MED8: variants seen among roughly 807,000 people sequenced by gnomAD.
The protein encoded by MED8 is mediator complex subunit 8, also known as mediator of RNA polymerase II transcription subunit 8.
In MED8, 22 loss-of-function variants were observed where a neutral mutation model predicts 34.8. The ratio of observed to expected loss-of-function variants is 0.63; its 90% CI spans 0.45 to 0.90. The LOEUF (loss-of-function observed/expected upper bound fraction) is 0.90, where lower values mean the gene tolerates loss of function less well. MED8 is among the 40% of genes least tolerant of loss of function. The probability of loss-of-function intolerance (pLI) is 0.00; values close to 1 mark genes in which losing one functional copy is unlikely to be tolerated. For synonymous variants in MED8, 105 were observed against 120.2 expected (o/e 0.87, Z 0.83); for missense variants, 260 against 326.3 (o/e 0.80, Z 1.57).
At chr1:43,388,535 G>A in intron 1 of MED8, 107 bp from the exon 2 acceptor site, 2 of 1,509,304 alleles carry the variant, frequency 1.3e-6, no homozygotes, top group Admixed American at 2.1e-5. Flanking sequence ...AGGTAACACA[G>A]GATCTCATTG....
Position 43,387,255 on chromosome 1 carries a change from A to T in MED8, c.270+248T>A, listed in dbSNP as rs577097386. Among the ~76,000 whole-genome samples, 33 of 152,368 alleles carry T rather than the reference A, an allele frequency of 2.2e-4. 2 individuals are homozygous for T. In the Middle Eastern group the frequency reaches 0.02, roughly 94 times the overall value. On this transcript the variant is annotated intron_variant, in intron 3 of 6. Transcript: ENST00000372457. The stretch of plus-strand genomic sequence containing the variant: ...CCACGCTTCAAAGACTGGAATAGAC[A>T]AAGTCACAAAAGGGCAAACTTTGTG...
chr1:43,386,335 C>T lies in MED8; in HGVS notation c.494-109G>A. ...GGGTTTGGAGTTCTGAATTCAGCAA[C>T]ATCTAGACTCCCTCACAGCCCAGAA... On this transcript the variant is annotated intron_variant, in intron 5 of 6. Transcript: ENST00000372457. The surrounding 1 kb of genome is among the most constrained non-coding windows in gnomAD (Gnocchi z 4.9). 1.5e-6 allele frequency: 2 copies of T among 1,357,574 alleles called. No individual in the cohort carries two copies. The highest frequency in any genetic ancestry group is 2.9e-5 in the South Asian group (2 of 69,606). The allele number at this position is 1,357,574 out of a possible 1,614,324, so 84.1% of individuals were successfully genotyped here.
Position 43,387,742 on chromosome 1 carries a change from ATTC to A in MED8, c.126-98_126-96del, listed in dbSNP as rs1647784017. 11 of 1,410,076 alleles carry A rather than the reference ATTC, an allele frequency of 7.8e-6. No homozygotes were observed. The East Asian group carries it at 2.5e-4, about 32-fold the overall frequency. 87.3% of individuals were successfully genotyped at this position (1,410,076 alleles called of 1,614,324 possible). ...GTTCCTTCAGGCTAGGAACACTTGGATTCACCTCCAAAAGTCTCATAGCCCTAT... is the reference window on the plus strand; with the variant it reads ...GTTCCTTCAGGCTAGGAACACTTGGAACCTCCAAAAGTCTCATAGCCCTAT... On this transcript the variant is annotated intron_variant, in intron 2 of 6. Transcript: ENST00000372457.
Position 43,387,657 on chromosome 1 carries a change from G to GT in MED8, c.126-11dup. ...GTCCAGGACAGATGGCCTGGTGGTG[G>GT]TAACAAGGTGTAAGAATGTTGTACC... On this transcript the variant is annotated splice_polypyrimidine_tract_variant and intron_variant, in intron 2 of 6. Transcript: ENST00000372457. The GT allele has an allele frequency of 1.2e-6, 2 of 1,613,728 alleles. No individual in the cohort carries two copies. The highest frequency in any genetic ancestry group is 4.5e-5 in the East Asian group (2 of 44,864).
In MED8 at chr1:43,386,728, T is replaced by G. The variant is rs1647747079; in HGVS notation, c.412-58A>C. The G allele has an allele frequency of 1.3e-6, 2 of 1,590,020 alleles. No homozygotes were observed. The highest frequency in any genetic ancestry group is 1.3e-5 in the African/African-American group (1 of 74,566). ...TAACTAGGAAACGATATGGAGAAAT[T>G]TATTCCTTGGGTTCTGCCAGAAGCA... On this transcript the variant is annotated intron_variant, in intron 4 of 6. Transcript: ENST00000372457. The surrounding 1 kb of genome is among the most constrained non-coding windows in gnomAD (Gnocchi z 4.9).
chr1:43,386,831 G>T lies in MED8; in HGVS notation c.411+27C>A. On this transcript the variant is annotated intron_variant, in intron 4 of 6. Coordinates refer to ENST00000372457, the MANE Select transcript of MED8 (RefSeq NM_201542.5). This position sits in a 1 kb window ranked among gnomAD's most constrained non-coding sequence, Gnocchi z 4.9. ...GCTTCTCATGATGGGATGGGGATGG[G>T]GCAGCAAGGCAGTGACTCAGTCCAA... The T allele has an allele frequency of 6.2e-7, 1 of 1,613,144 alleles. No homozygotes were observed. The highest frequency in any genetic ancestry group is 8.5e-7 in the Non-Finnish European group (1 of 1,179,412).
In MED8 at chr1:43,388,378, C is replaced by G; in HGVS notation, c.57G>C (p.Val19=). The change falls in exon 2 of 7, where the codon GTG becomes GTC. Residue 19 remains valine (V), a synonymous_variant. Coordinates refer to ENST00000372457, the MANE Select transcript of MED8 (RefSeq NM_201542.5). ...TCCCCAGAGAGTTCTTCAGATCAGCCACTTGACTCAGCAGTGCATCTAATG... is the reference window on the plus strand; with the variant it reads ...TCCCCAGAGAGTTCTTCAGATCAGCGACTTGACTCAGCAGTGCATCTAATG... The part of the protein sequence containing the change: ...EASLDALLSQ[V]ADLKNSLGSF... 1 of 1,613,722 alleles carries G rather than the reference C, an allele frequency of 6.2e-7. No individual in the cohort carries two copies. Among genetic ancestry groups the G allele is most frequent in the Non-Finnish European group, 8.5e-7 (1 of 1,179,884 alleles).
chr1:43,386,566 T>C lies in MED8; in HGVS notation c.493+23A>G, dbSNP rs778886295. 6.2e-7 allele frequency: 1 copy of C among 1,603,230 alleles called. No individual in the cohort carries two copies. The highest frequency in any genetic ancestry group is 8.5e-7 in the Non-Finnish European group (1 of 1,174,054). ...GATCTTATATACCTCTCCTTCTCTGTTTAGCCACCAGTCCCATCATACCTC... is the reference window on the plus strand; with the variant it reads ...GATCTTATATACCTCTCCTTCTCTGCTTAGCCACCAGTCCCATCATACCTC... On this transcript the variant is annotated intron_variant, in intron 5 of 6. Coordinates refer to ENST00000372457, the MANE Select transcript of MED8 (RefSeq NM_201542.5). The surrounding 1 kb of genome is among the most constrained non-coding windows in gnomAD (Gnocchi z 4.9).
intron 3 of MED8, 108 bp from the exon 4 acceptor site, chr1:43,387,106 C>T: frequency 7.3e-7 from 1 of 1,375,966 alleles, no homozygotes; most frequent in Non-Finnish European, 1.0e-6. Flanking sequence ...AAGGAAAATA[C>T]AACCTGAGAC....
rs749047313 is a variant in MED8 at position 43,387,578 on chromosome 1, A to G, written c.195T>C (p.His65=). ...GGTTACGGAACAGCGGTGTTTTTTC[A>G]TGCTTCAAGACCTTGTTCAGAGTGT... is the stretch of plus-strand genomic sequence containing the variant. The part of the protein sequence containing the change: ...QLNTLNKVLK[H]EKTPLFRNQV... Residue 65 remains histidine (H), a synonymous_variant, in exon 3 of 7, where the codon CAT becomes CAC. Coordinates refer to ENST00000372457, the MANE Select transcript of MED8 (RefSeq NM_201542.5). 1.2e-6 allele frequency: 2 copies of G among 1,614,016 alleles called. No individual in the cohort carries two copies. The highest frequency in any genetic ancestry group is 1.1e-5 in the South Asian group (1 of 91,082).
At chr1:43,387,223 C>G (rs145739521) in intron 3 of MED8, among the ~76,000 whole-genome samples, 69 of 152,280 alleles carry the variant, frequency 4.5e-4, no homozygotes, top group African/African-American at 1.6e-3. Context: ...TAAACTATCA[C>G]TGTCTGCCAC....
chr1:43,387,311 T>A (rs1034037929), intron 3 of MED8, among the ~76,000 whole-genome samples, 192 bp downstream of exon 3: 2 of 152,224 alleles, frequency 1.3e-5, no homozygotes, highest in Admixed American at 1.3e-4. Context: ...AAGAAAGGTA[T>A]CAGCCTTGGT....
Position 43,386,754 on chromosome 1 carries a change from A to C in MED8, c.412-84T>G, listed in dbSNP as rs1557486322. The C allele has an allele frequency of 6.3e-7, 1 of 1,594,204 alleles. No homozygotes were observed. The highest frequency in any genetic ancestry group is 1.3e-5 in the African/African-American group (1 of 74,766). ...TATTCCTTGGGTTCTGCCAGAAGCA[A>C]CTTAGGCGCAACCAACTATGTATCC... On this transcript the variant is annotated intron_variant, in intron 4 of 6. Transcript: ENST00000372457. The surrounding 1 kb of genome is among the most constrained non-coding windows in gnomAD (Gnocchi z 4.9).
Position 43,386,037 on chromosome 1 carries a change from G to C in MED8, c.683C>G (p.Ala228Gly), listed in dbSNP as rs556855025. The C allele has an allele frequency of 6.2e-7, 1 of 1,613,970 alleles. No individual in the cohort carries two copies. Among genetic ancestry groups the C allele is most frequent in the Non-Finnish European group, 8.5e-7 (1 of 1,179,884 alleles). The change falls in exon 6 of 7, where the codon GCT becomes GGT. Residue 228 changes from alanine to glycine, a missense_variant. Transcript: ENST00000372457. The surrounding 1 kb of genome is among the most constrained non-coding windows in gnomAD (Gnocchi z 4.9). Reference sequence around the variant, plus strand: ...GAGCATTGGCTGCTGCTGGCTTGGAGCTCCTGCCATCTGCACCTGCTGTAA... The same window carrying C: ...GAGCATTGGCTGCTGCTGGCTTGGACCTCCTGCCATCTGCACCTGCTGTAA... ...SGLQQVQMAG[A>G]PSQQQPMLSG...
At chr1:43,385,873 T>C (rs1034777034) in intron 6 of MED8, 105 bp downstream of exon 6, 2 of 1,493,866 alleles carry the variant, frequency 1.3e-6, no homozygotes, top group Non-Finnish European at 1.8e-6. Context: ...AAAGGAGAAA[T>C]AGAGAAAACC....
Position 43,386,651 on chromosome 1 carries a change from T to G in MED8, c.431A>C (p.Asn144Thr). ...DAAQKQIQSLNKMCSNLLEKI... is the reference protein window; with the variant it reads ...DAAQKQIQSLTKMCSNLLEKI... ...CTCCAGAAGGTTTGAACACATTTTA[T>G]TCAAGCTCTGGATCTGCTTCTGTAA... Residue 144 changes from asparagine to threonine, a missense_variant, in exon 5 of 7, where the codon AAT (asparagine) becomes ACT (threonine). Physicochemically the swap from Asn to Thr is moderately conservative, Grantham distance 65. Coordinates refer to ENST00000372457, the MANE Select transcript of MED8 (RefSeq NM_201542.5). The surrounding 1 kb of genome is among the most constrained non-coding windows in gnomAD (Gnocchi z 4.9). 1.2e-6 allele frequency: 2 copies of G among 1,611,222 alleles called. No individual in the cohort carries two copies. Among genetic ancestry groups the G allele is most frequent in the Non-Finnish European group, 1.7e-6 (2 of 1,178,644 alleles).
chr1:43,388,684 G>A, intron 1 of MED8: 1 of 462,562 alleles, frequency 2.2e-6, no homozygotes, highest in Non-Finnish European at 3.9e-6. Flanking sequence ...CCTAATCTAT[G>A]CCTGGTTTTT....
chr1:43,387,579 T>C lies in MED8; in HGVS notation c.194A>G (p.His65Arg). Residue 65 changes from histidine (H) to arginine (R), a missense_variant, in exon 3 of 7, where the codon CAT becomes CGT. Coordinates refer to ENST00000372457, the MANE Select transcript of MED8 (RefSeq NM_201542.5). ...GTTACGGAACAGCGGTGTTTTTTCA[T>C]GCTTCAAGACCTTGTTCAGAGTGTT... The part of the protein sequence containing the change: ...QLNTLNKVLK[H>R]EKTPLFRNQV... 6.2e-7 allele frequency: 1 copy of C among 1,614,032 alleles called. No homozygotes were observed. The highest frequency in any genetic ancestry group is 8.5e-7 in the Non-Finnish European group (1 of 1,179,898).
Position 43,386,567 on chromosome 1 carries a change from T to G in MED8, c.493+22A>C. 1.2e-6 allele frequency: 2 copies of G among 1,604,038 alleles called. No homozygotes were observed. The highest frequency in any genetic ancestry group is 8.5e-7 in the Non-Finnish European group (1 of 1,174,620). On this transcript the variant is annotated intron_variant, in intron 5 of 6. Coordinates refer to ENST00000372457, the MANE Select transcript of MED8 (RefSeq NM_201542.5). This position sits in a 1 kb window ranked among gnomAD's most constrained non-coding sequence, Gnocchi z 4.9. ...ATCTTATATACCTCTCCTTCTCTGT[T>G]TAGCCACCAGTCCCATCATACCTCC...
Sources: allele counts gnomAD v4.1 joint callset (sites outside exome capture counted in the v4.1 genomes callset), GRCh38; gene constraint gnomAD v4.1.1; non-coding constraint Gnocchi (gnomAD v3.1); transcripts MANE v1.5; gene names NCBI Gene and HGNC (gene_info 2026-07-23, HGNC 2026-07-21).